ESRRG: variants seen among roughly 807,000 people sequenced by gnomAD.
The protein encoded by ESRRG is estrogen related receptor gamma, also known as estrogen-related receptor gamma.
In ESRRG, 13 loss-of-function variants were observed where a neutral mutation model predicts 44.0. That is an observed-to-expected ratio of 0.30 (90% CI 0.19 to 0.47). The LOEUF (loss-of-function observed/expected upper bound fraction) is 0.47, where lower values mean the gene tolerates loss of function less well. ESRRG is among the 20% of genes least tolerant of loss of function. The pLI, the probability that ESRRG is intolerant of heterozygous loss-of-function variation, is 1.00. For missense variants in ESRRG, 395 were observed against 580.6 expected (o/e 0.68, Z 3.29); for synonymous variants, 215 against 214.6 (o/e 1.00, Z -0.02).
chr1:216,951,285 T>C lies in ESRRG; in HGVS notation c.-105-11612A>G, dbSNP rs574656314. Among the ~76,000 whole-genome samples, 7 of 152,270 alleles carry C rather than the reference T, an allele frequency of 4.6e-5. No individual in the cohort carries two copies. The Middle Eastern group carries it at 0.014, about 296-fold the overall frequency. Reference sequence around the variant, plus strand: ...GTATTAATGCCTTAATACAGACATATTGCTATAAGCATAGTTTATAGCATG... The same window carrying C: ...GTATTAATGCCTTAATACAGACATACTGCTATAAGCATAGTTTATAGCATG... On this transcript the variant is annotated intron_variant, in intron 1 of 7. Coordinates refer to the ESRRG transcript ENST00000359162.
At chr1:216,989,913 T>C (rs1228962902) in intron 1 of ESRRG, among the ~76,000 whole-genome samples, 2 of 152,196 alleles carry the variant, frequency 1.3e-5, no homozygotes, top group Non-Finnish European at 2.9e-5. Flanking sequence ...TGGCTTGGCT[T>C]TAGTCTAAAT....
upstream of ESRRG, among the ~76,000 whole-genome samples, chr1:216,725,023 T>G (rs2087200299): frequency 6.6e-6 from 1 of 152,120 alleles, no homozygotes. Context: ...TTCACTAAAT[T>G]AGGACTCAAC....
chr1:216,557,771 G>T (rs2057885462), intron 5 of ESRRG, among the ~76,000 whole-genome samples: 1 of 152,102 alleles, frequency 6.6e-6, no homozygotes, highest in South Asian at 2.1e-4. Flanking sequence ...TATTTATGCA[G>T]ACATAGATCC....
intron 2 of ESRRG, among the ~76,000 whole-genome samples, chr1:216,805,812 G>A (rs959372567): frequency 2.6e-5 from 4 of 151,752 alleles, no homozygotes; most frequent in Non-Finnish European, 5.9e-5. Flanking sequence ...TTTTGTTTCA[G>A]TCTGTTTGTC....
At chr1:216,968,253 T>C (rs184520262) in intron 1 of ESRRG, among the ~76,000 whole-genome samples, 20 of 152,296 alleles carry the variant, frequency 1.3e-4, no homozygotes, top group Admixed American at 1.0e-3. Flanking sequence ...TGAAATCAAT[T>C]ATTTATTTCA....
intron 1 of ESRRG, among the ~76,000 whole-genome samples, chr1:216,950,231 G>A (rs2066733131): frequency 6.6e-6 from 1 of 152,134 alleles, no homozygotes; most frequent in African/African-American, 2.4e-5. Context: ...CCCATAATTG[G>A]TGTTCCATAA....
At chr1:216,920,506 G>A (rs1367672609) in intron 2 of ESRRG, among the ~76,000 whole-genome samples, 1 of 151,906 alleles carries the variant, frequency 6.6e-6, no homozygotes, top group East Asian at 1.9e-4. Flanking sequence ...AATTAGATGA[G>A]AATATTTAAT....
intron 2 of ESRRG, among the ~76,000 whole-genome samples, chr1:216,729,552 C>T (rs1235904537): frequency 6.6e-6 from 1 of 152,142 alleles, no homozygotes; most frequent in Non-Finnish European, 1.5e-5. Context: ...GCCACATATA[C>T]ATTGGCTGCA....
Position 217,033,310 on chromosome 1 carries a change from A to G in ESRRG, c.-106+56197T>C, listed in dbSNP as rs544046023. Among the ~76,000 whole-genome samples, 6 of 152,296 alleles carry G rather than the reference A, an allele frequency of 3.9e-5. No homozygotes were observed. In the South Asian group the frequency reaches 6.2e-4, roughly 16 times the overall value. On this transcript the variant is annotated intron_variant, in intron 1 of 7. Transcript: ENST00000359162. ...GCTAAACTCACAAATCTCAGAGGCC[A>G]TTTCCTACCTTAACTATCACTGATG...
intron 2 of ESRRG, among the ~76,000 whole-genome samples, chr1:216,926,702 A>C (rs2149777867): frequency 6.6e-6 from 1 of 152,348 alleles, no homozygotes; most frequent in East Asian, 1.9e-4. Context: ...GTTTCACTTA[A>C]TGCTGAGGAC....
intron 1 of ESRRG, among the ~76,000 whole-genome samples, chr1:216,984,894 C>T (rs191092145): frequency 6.6e-6 from 1 of 152,148 alleles, no homozygotes; most frequent in African/African-American, 2.4e-5. Context: ...TCTGTGACAT[C>T]AATGACATTT....
chr1:216,739,419 G>A (rs1218289836), intron 2 of ESRRG, among the ~76,000 whole-genome samples: 1 of 152,156 alleles, frequency 6.6e-6, no homozygotes, highest in Non-Finnish European at 1.5e-5. Flanking sequence ...TTCTATTTGA[G>A]GTTAACAGTG....
chr1:216,699,987 A>G (rs564926406), intron 1 of ESRRG, among the ~76,000 whole-genome samples: 1 of 152,296 alleles, frequency 6.6e-6, no homozygotes, highest in East Asian at 1.9e-4. Flanking sequence ...TAATTTATAT[A>G]AATCCACTCA....
At chr1:216,956,071 G>A (rs530698661) in intron 1 of ESRRG, among the ~76,000 whole-genome samples, 2 of 151,942 alleles carry the variant, frequency 1.3e-5, no homozygotes, top group East Asian at 3.9e-4. Context: ...TCTACTTTTT[G>A]GTTGCTGTCT....
Position 216,841,555 on chromosome 1 carries a change from C to T in ESRRG, c.-14+98027G>A, listed in dbSNP as rs539310899. Reference sequence around the variant, plus strand: ...AGGAACAAGGTCTAGGAGCATTTTGCAGCCCACTTTGGAGAGCTGTTAAGA... The same window carrying T: ...AGGAACAAGGTCTAGGAGCATTTTGTAGCCCACTTTGGAGAGCTGTTAAGA... On this transcript the variant is annotated intron_variant, in intron 2 of 7. Transcript: ENST00000359162. 7.2e-5 allele frequency among the ~76,000 whole-genome samples: 11 copies of T among 152,276 alleles called. No homozygotes were observed. In the East Asian group the frequency reaches 1.9e-3, roughly 27 times the overall value.
chr1:216,798,570 C>A (rs970815303), intron 2 of ESRRG, among the ~76,000 whole-genome samples: 1 of 152,110 alleles, frequency 6.6e-6, no homozygotes, highest in South Asian at 2.1e-4. Context: ...CATGACCAGA[C>A]TGGAATTTTA....
chr1:217,060,675 C>T (rs1383679164), intron 1 of ESRRG, among the ~76,000 whole-genome samples: 1 of 151,906 alleles, frequency 6.6e-6, no homozygotes, highest in Non-Finnish European at 1.5e-5. Context: ...TGAAGTTTAT[C>T]CTAAGATTTT....
intron 2 of ESRRG, among the ~76,000 whole-genome samples, chr1:216,929,416 C>T (rs2063029334): frequency 6.6e-6 from 1 of 152,172 alleles, no homozygotes; most frequent in East Asian, 1.9e-4. Flanking sequence ...CATCTCCCAT[C>T]AAATTTTAAA....
At chr1:217,125,953 A>T (rs952558160) in intron 1 of ESRRG, among the ~76,000 whole-genome samples, 1 of 152,164 alleles carries the variant, frequency 6.6e-6, no homozygotes, top group African/African-American at 2.4e-5. Context: ...GGGATTCAGT[A>T]TTTCTAGAGC....
Sources: allele counts gnomAD v4.1 joint callset (sites outside exome capture counted in the v4.1 genomes callset), GRCh38; gene constraint gnomAD v4.1.1; transcripts MANE v1.5; gene names NCBI Gene and HGNC (gene_info 2026-07-23, HGNC 2026-07-21).